Variants in CCDC171 observed in about 807,000 individuals in gnomAD.
CCDC171 encodes coiled-coil domain containing 171.
CCDC171 carries 177 observed loss-of-function variants against 168.2 expected under a neutral mutation model. That is an observed-to-expected ratio of 1.05 (90% CI 0.93 to 1.19). The LOEUF (loss-of-function observed/expected upper bound fraction) is 1.19. Among genes scored for constraint, CCDC171 ranks in the 50% most tolerant of loss-of-function variants. CCDC171 has a pLI of 0.00. For missense variants in CCDC171, 1,991 were observed against 1,539.0 expected, an observed-to-expected ratio of 1.29 and a Z score of -4.91; for synonymous variants, 687 against 540.8, an observed-to-expected ratio of 1.27 and a Z score of -3.75.
At chr9:15,922,620 T>A (rs1825475351) in intron 25 of CCDC171, among the ~76,000 whole-genome samples, 1 of 151,666 alleles carries the variant, frequency 6.6e-6, no homozygotes, top group Non-Finnish European at 1.5e-5. Context: ...ATGATAGTTC[T>A]AGTTTTAATT....
intron 1 of CCDC171, among the ~76,000 whole-genome samples, chr9:16,047,348 C>G (rs1833678023): frequency 6.6e-6 from 1 of 152,144 alleles, no homozygotes; most frequent in Non-Finnish European, 1.5e-5. Flanking sequence ...GGGAGCGATC[C>G]TAACCACCTG....
chr9:15,851,262 T>C (rs980399946), intron 23 of CCDC171, among the ~76,000 whole-genome samples: 1 of 151,966 alleles, frequency 6.6e-6, no homozygotes, highest in Non-Finnish European at 1.5e-5. Flanking sequence ...CAAAATTCCA[T>C]TGGGGACTGA....
intron 6 of CCDC171, among the ~76,000 whole-genome samples, chr9:16,027,008 G>A (rs1475334260): frequency 6.6e-6 from 1 of 152,084 alleles, no homozygotes; most frequent in Non-Finnish European, 1.5e-5. Context: ...CCTATGCCTC[G>A]GGCTTATGAG....
intron 10 of CCDC171, among the ~76,000 whole-genome samples, chr9:15,694,293 C>G (rs1293091148): frequency 6.6e-6 from 1 of 152,158 alleles, no homozygotes; most frequent in Non-Finnish European, 1.5e-5. Flanking sequence ...ATACCTGACC[C>G]TGCTTCTAAG....
chr9:15,627,355 G>T (rs541379628), intron 7 of CCDC171, among the ~76,000 whole-genome samples: 26 of 151,746 alleles, frequency 1.7e-4, no homozygotes, highest in African/African-American at 6.0e-4. Flanking sequence ...CTTGCCTTCT[G>T]CTAGCTTTTG....
intron 7 of CCDC171, among the ~76,000 whole-genome samples, chr9:15,631,001 C>T (rs1018044645): frequency 6.6e-6 from 1 of 152,034 alleles, no homozygotes; most frequent in African/African-American, 2.4e-5. Context: ...ATACCAGAAT[C>T]TCTGGGACAC....
intron 16 of CCDC171, among the ~76,000 whole-genome samples, chr9:15,739,980 A>G (rs1351472061): frequency 6.6e-6 from 1 of 151,988 alleles, no homozygotes; most frequent in Non-Finnish European, 1.5e-5. Flanking sequence ...CTTGTGATCC[A>G]CCTGCCTTGG....
intron 24 of CCDC171, among the ~76,000 whole-genome samples, chr9:15,877,601 C>T (rs1169472): frequency 0.86 from 130,794 of 152,038 alleles, 56,327 homozygotes; most frequent in East Asian, 0.96. Context: ...TAAGTTCCTG[C>T]AGCAAATTTA....
At chr9:15,751,525 G>A (rs949293088) in intron 18 of CCDC171, among the ~76,000 whole-genome samples, 16 of 150,910 alleles carry the variant, frequency 1.1e-4, no homozygotes, top group African/African-American at 3.9e-4. Context: ...CTTCAAAACA[G>A]TAATCAAAAC....
chr9:15,561,678 C>T (rs1408910010), intron 1 of CCDC171, among the ~76,000 whole-genome samples: 1 of 152,130 alleles, frequency 6.6e-6, no homozygotes, highest in African/African-American at 2.4e-5. Flanking sequence ...TGCTCGATTG[C>T]ATGGGAATCC....
intron 11 of CCDC171, among the ~76,000 whole-genome samples, chr9:15,702,242 C>G (rs1405338858): frequency 2.0e-5 from 3 of 152,206 alleles, no homozygotes; most frequent in Admixed American, 6.5e-5. Flanking sequence ...TCCAACTTGT[C>G]ATCCAAGTTG....
At chr9:15,621,277 A>G (rs1239876472) in intron 6 of CCDC171, among the ~76,000 whole-genome samples, 1 of 152,158 alleles carries the variant, frequency 6.6e-6, no homozygotes, top group Non-Finnish European at 1.5e-5. Flanking sequence ...TCAATAAAGT[A>G]TTTTTAAATT....
intron 16 of CCDC171, among the ~76,000 whole-genome samples, chr9:15,733,088 G>A (rs1020465830): frequency 1.3e-5 from 2 of 151,940 alleles, no homozygotes; most frequent in African/African-American, 4.8e-5. Context: ...TTATTTATGT[G>A]TTTATTTGCT....
chr9:15,598,682 G>C (rs978380049), intron 6 of CCDC171, among the ~76,000 whole-genome samples: 24 of 152,134 alleles, frequency 1.6e-4, no homozygotes, highest in Non-Finnish European at 1.9e-4. Flanking sequence ...GTGCAGAGCT[G>C]AGTTCAATTC....
rs537178983 is a variant in CCDC171 at position 16,012,129 on chromosome 9, A to G, written n.369-8460A>G. Among the ~76,000 whole-genome samples, 26 of 152,326 alleles carry G rather than the reference A, an allele frequency of 1.7e-4. No individual in the cohort carries two copies. In the South Asian group the frequency reaches 5.0e-3, roughly 29 times the overall value. On this transcript the variant is annotated intron_variant and non_coding_transcript_variant, in intron 3 of 9. Transcript: ENST00000486641. The stretch of plus-strand genomic sequence containing the variant: ...GGAGATAAGTAAATTCTGGCTAACC[A>G]GGACTTTCCTCTGTGCTGCCCAAGG...
intron 6 of CCDC171, among the ~76,000 whole-genome samples, chr9:15,610,371 C>G (rs1186947229): frequency 1.4e-5 from 2 of 139,788 alleles, no homozygotes; most frequent in Non-Finnish European, 3.0e-5. Flanking sequence ...CTTTGGGAGG[C>G]CAAGGCGGGT....
At chr9:15,853,940 A>G (rs114799624) in intron 23 of CCDC171, among the ~76,000 whole-genome samples, 3,619 of 150,524 alleles carry the variant, frequency 0.024, 155 homozygotes, top group African/African-American at 0.083. Flanking sequence ...TGTGTTCCTG[A>G]GATAAATCTC....
At chr9:15,992,913 A>G (rs1456712114) in intron 3 of CCDC171, among the ~76,000 whole-genome samples, 1 of 152,144 alleles carries the variant, frequency 6.6e-6, no homozygotes, top group African/African-American at 2.4e-5. Flanking sequence ...CTTCATGGAG[A>G]ATTACAAACC....
intron 23 of CCDC171, among the ~76,000 whole-genome samples, chr9:15,864,544 G>A (rs1052646504): frequency 1.3e-5 from 2 of 151,998 alleles, no homozygotes; most frequent in Admixed American, 1.3e-4. Context: ...TCCCACCTAT[G>A]AGTGAGAACA....
Sources: gnomAD v4.1 joint callset for allele counts (sites outside exome capture counted in the v4.1 genomes callset) on GRCh38, gnomAD v4.1.1 for gene constraint, MANE v1.5 for transcripts, NCBI Gene and HGNC (gene_info 2026-07-23, HGNC 2026-07-21) for gene names.